Variants in PROCR observed in about 807,000 individuals in gnomAD.
The protein encoded by PROCR is protein C receptor, also known as endothelial protein C receptor.
Under a neutral mutation model 24.2 loss-of-function variants are expected in PROCR, and 22 were observed. The ratio of observed to expected loss-of-function variants is 0.91; its 90% CI spans 0.65 to 1.30. The LOEUF (loss-of-function observed/expected upper bound fraction) is 1.30, where lower values mean the gene tolerates loss of function less well. Among genes scored for constraint, PROCR ranks in the 50% most tolerant of loss-of-function variants. The pLI is 0.00. For synonymous variants in PROCR, 137 were observed against 139.2 expected (o/e 0.98, Z 0.11); for missense variants, 288 against 307.7 (o/e 0.94, Z 0.48).
intron 2 of PROCR, among the ~76,000 whole-genome samples, chr20:35,175,888 C>A (rs1180516679): frequency 1.3e-5 from 2 of 150,618 alleles, no homozygotes; most frequent in African/African-American, 2.4e-5. Flanking sequence ...CCTGCCCCAG[C>A]CTCACCCCCT....
intron 1 of PROCR, among the ~76,000 whole-genome samples, chr20:35,183,955 A>T (rs1014774420): frequency 6.6e-6 from 1 of 152,226 alleles, no homozygotes; most frequent in Admixed American, 6.5e-5. Context: ...GATAGAATCA[A>T]TATTGTGAAA....
intron 1 of PROCR, among the ~76,000 whole-genome samples, chr20:35,190,728 G>A (rs933698217): frequency 1.3e-5 from 2 of 152,138 alleles, no homozygotes; most frequent in African/African-American, 4.8e-5. Context: ...TTCAATAATG[G>A]AACTGGCTGT....
At chr20:35,215,685 C>T (rs1446617753) in intron 1 of PROCR, among the ~76,000 whole-genome samples, 1 of 152,058 alleles carries the variant, frequency 6.6e-6, no homozygotes, top group Non-Finnish European at 1.5e-5. Context: ...TTAGGTGTGT[C>T]GTGGGGTAGG....
chr20:35,204,276 T>C (rs900597911), intron 1 of PROCR, among the ~76,000 whole-genome samples: 3 of 152,102 alleles, frequency 2.0e-5, no homozygotes, highest in African/African-American at 7.2e-5. Context: ...GAAAATTTAA[T>C]TCATAGTTTA....
At chr20:35,187,813 G>T (rs2086141083) in intron 1 of PROCR, among the ~76,000 whole-genome samples, 2 of 152,140 alleles carry the variant, frequency 1.3e-5, no homozygotes. Flanking sequence ...GATATCTAAG[G>T]TATCTCCCAG....
At chr20:35,188,116 T>G (rs1379111557) in intron 1 of PROCR, among the ~76,000 whole-genome samples, 1 of 152,378 alleles carries the variant, frequency 6.6e-6, no homozygotes, top group East Asian at 1.9e-4. Context: ...GCCTTGATTT[T>G]ATATCTCTGC....
At chr20:35,211,362 G>A (rs1250798693) in intron 1 of PROCR, among the ~76,000 whole-genome samples, 1 of 152,086 alleles carries the variant, frequency 6.6e-6, no homozygotes, top group Non-Finnish European at 1.5e-5. Context: ...AATGGCTTGC[G>A]GGAGCCTCCA....
chr20:35,201,660 C>G (rs2060318772), intron 1 of PROCR: 1 of 151,204 alleles, frequency 6.6e-6, no homozygotes, highest in African/African-American at 2.4e-5. Context: ...TGCATTCCAG[C>G]CTGGGCGGCA....
rs572161383 is a variant in PROCR at position 35,210,564 on chromosome 20, A to G, written c.95-5329A>G. Among the ~76,000 whole-genome samples, 239 of 152,256 alleles carry G rather than the reference A, an allele frequency of 1.6e-3. 1 individual carries two copies. The highest frequency in any genetic ancestry group is 2.0e-3 in the Admixed American group (31 of 15,290). On this transcript the variant is annotated intron_variant, in intron 1 of 1. Transcript: ENST00000634509. The stretch of plus-strand genomic sequence containing the variant: ...CCTGTCTCAAAACAAACAAACAAAA[A>G]TATAGACATATTTTTAAAAGATAAT...
At chr20:35,182,963 G>C (rs1251335173) in intron 1 of PROCR, among the ~76,000 whole-genome samples, 1 of 129,238 alleles carries the variant, frequency 7.7e-6, no homozygotes, top group African/African-American at 2.8e-5. Flanking sequence ...GACAGAGCGA[G>C]ACTCCGTCTC....
At chr20:35,179,003 G>A (rs184725219), downstream of PROCR, among the ~76,000 whole-genome samples, 396 of 148,506 alleles carry the variant, frequency 2.7e-3, no homozygotes, top group African/African-American at 9.0e-3. Flanking sequence ...AGGCCGAGGC[G>A]GGCGGATCAC....
chr20:35,176,683 TTGCATGTTC>T lies in PROCR; in HGVS notation c.602-10_602-2del. ...GGGGCCTATTCTTCGGGCTAACTCT[TTGCATGTTC>T]TGCAGGGAGCCAAACAAGCCGCTCC... On this transcript the variant is annotated splice_polypyrimidine_tract_variant and splice_region_variant and intron_variant, in intron 3 of 3. Transcript: ENST00000216968. The T allele has an allele frequency of 6.3e-7, 1 of 1,599,970 alleles. No individual in the cohort carries two copies.
intron 1 of PROCR, among the ~76,000 whole-genome samples, chr20:35,174,065 T>C (rs1255743564): frequency 2.0e-5 from 3 of 152,178 alleles, no homozygotes; most frequent in African/African-American, 7.2e-5. Flanking sequence ...ATAGTAGCTA[T>C]TGCATTAAGC....
rs148499092 is a variant in PROCR at position 35,186,048 on chromosome 20, G to T, written c.94+9602G>T. On this transcript the variant is annotated intron_variant, in intron 1 of 1. Transcript: ENST00000634509. Reference sequence around the variant, plus strand: ...AAACATAGAGTTATTGTGTGGCCCAGCAAGTCCGCTCCTAGTATATGCCCA... The same window carrying T: ...AAACATAGAGTTATTGTGTGGCCCATCAAGTCCGCTCCTAGTATATGCCCA... Among the ~76,000 whole-genome samples the T allele has an allele frequency of 9.7e-4, 147 of 152,264 alleles. No homozygotes were observed. The East Asian group carries it at 0.021, about 22-fold the overall frequency.
chr20:35,187,955 A>G (rs1359064901), intron 1 of PROCR, among the ~76,000 whole-genome samples: 1 of 152,222 alleles, frequency 6.6e-6, no homozygotes, highest in Non-Finnish European at 1.5e-5. Context: ...CGTGGCAGCC[A>G]GACTATTAGA....
chr20:35,178,520 T>TTTTTTTG (rs2086048167), downstream of PROCR, among the ~76,000 whole-genome samples: 1 of 52,010 alleles, frequency 1.9e-5, no homozygotes, highest in Admixed American at 1.4e-4. Flanking sequence ...TTTTTTTTTT[T>TTTTTTTG]TTTTTTTTTT....
intron 1 of PROCR, among the ~76,000 whole-genome samples, chr20:35,192,361 T>A (rs1568596907): frequency 2.0e-5 from 3 of 151,930 alleles, no homozygotes. Context: ...TAAACTTGAG[T>A]GGGGCAGCTG....
At chr20:35,194,366 T>C (rs2086198418) in intron 1 of PROCR, among the ~76,000 whole-genome samples, 1 of 152,208 alleles carries the variant, frequency 6.6e-6, no homozygotes, top group Non-Finnish European at 1.5e-5. Flanking sequence ...GTTTTTTCTC[T>C]TAATAAGGTA....
At chr20:35,172,064 C>T (rs139617753), upstream of PROCR, 218 of 1,205,928 alleles carry the variant, frequency 1.8e-4, 1 homozygote, top group East Asian at 4.5e-3. Flanking sequence ...CCCTCCCAGA[C>T]GGTCCTCACT....
Sources: gnomAD v4.1 joint callset for allele counts (sites outside exome capture counted in the v4.1 genomes callset) on GRCh38, gnomAD v4.1.1 for gene constraint, MANE v1.5 for transcripts, NCBI Gene and HGNC (gene_info 2026-07-23, HGNC 2026-07-21) for gene names.